Variants in CRTAP observed in about 807,000 individuals in gnomAD.
CRTAP encodes cartilage associated protein.
A neutral mutation model predicts 42.7 loss-of-function variants in CRTAP; 33 were observed. That is an observed-to-expected ratio of 0.77 (90% CI 0.59 to 1.03). The LOEUF is 1.03. Ranked by LOEUF, CRTAP falls within the 50% of genes least tolerant of loss-of-function variation. The pLI, the probability that CRTAP is intolerant of heterozygous loss-of-function variation, is 0.00. For synonymous variants in CRTAP, 243 were observed against 217.7 expected (o/e 1.12, Z -1.02); for missense variants, 613 against 533.9 (o/e 1.15, Z -1.46).
intron 1 of CRTAP, among the ~76,000 whole-genome samples, chr3:33,120,061 T>C (rs1415331697): frequency 6.6e-6 from 1 of 151,800 alleles, no homozygotes; most frequent in South Asian, 2.1e-4. Flanking sequence ...AGCGAGGGAG[T>C]CTGTTGTTAT....
chr3:33,142,122 C>T (rs1193449900), intron 6 of CRTAP, among the ~76,000 whole-genome samples: 1 of 152,120 alleles, frequency 6.6e-6, no homozygotes. Context: ...ACAGGAGGGC[C>T]ACTTAGTAGA....
chr3:33,122,971 C>T (rs2029927966), intron 2 of CRTAP, among the ~76,000 whole-genome samples: 1 of 148,954 alleles, frequency 6.7e-6, no homozygotes, highest in South Asian at 2.1e-4. Flanking sequence ...TTCTCTCTCT[C>T]TTTTTTTTTT....
Position 33,129,541 on chromosome 3 carries a change from T to TC in CRTAP, c.794-398_794-397insC, listed in dbSNP as rs1162325287. Among the ~76,000 whole-genome samples, 4 of 145,708 alleles carry TC rather than the reference T, an allele frequency of 2.7e-5. No homozygotes were observed. In the East Asian group the frequency reaches 5.9e-4, roughly 21 times the overall value. Reference sequence around the variant, plus strand: ...TGAAAATATTTTTCTTTTTCTTTTTTTTTTTTTTTTTTTGGAGACGGAGTC... The same window carrying TC: ...TGAAAATATTTTTCTTTTTCTTTTTTCTTTTTTTTTTTTTGGAGACGGAGTC... On this transcript the variant is annotated intron_variant, in intron 3 of 6. Coordinates refer to ENST00000320954, the MANE Select transcript of CRTAP (RefSeq NM_006371.5).
At chr3:33,126,133 C>T (rs555176450) in intron 3 of CRTAP, among the ~76,000 whole-genome samples, 36 of 152,266 alleles carry the variant, frequency 2.4e-4, no homozygotes, top group African/African-American at 8.7e-4. Flanking sequence ...ATATCCCCTT[C>T]CCCCCAGCCA....
chr3:33,121,102 A>G (rs768904267), intron 2 of CRTAP, among the ~76,000 whole-genome samples: 2 of 152,152 alleles, frequency 1.3e-5, no homozygotes. Flanking sequence ...AAGCAAGGGC[A>G]GGGCATTGTT....
intron 6 of CRTAP, among the ~76,000 whole-genome samples, chr3:33,142,156 G>A (rs1320515611): frequency 6.6e-6 from 1 of 152,134 alleles, no homozygotes; most frequent in African/African-American, 2.4e-5. Flanking sequence ...TGGGCTGTCC[G>A]CCTCACACAG....
chr3:33,125,858 G>A, intron 3 of CRTAP, among the ~76,000 whole-genome samples: 2 of 152,262 alleles, frequency 1.3e-5, no homozygotes, highest in Admixed American at 1.3e-4. Flanking sequence ...TTTCAGAAAT[G>A]TCATAAATAC....
rs2030660962 is a variant in CRTAP, at chr3:33,144,247, AT to A, written c.*1800del. 2.0e-5 allele frequency: 3 copies of A among 152,360 alleles called. No homozygotes were observed. Among genetic ancestry groups the A allele is most frequent in the Middle Eastern group, 3.4e-3 (1 of 294 alleles). 9.4% of individuals were successfully genotyped at this position (152,360 alleles called of 1,614,324 possible). On this transcript the variant is annotated 3_prime_UTR_variant, in exon 7 of 7. Transcript: ENST00000320954. ...GATGACATTAAGGTTTTTGGCCTGA[AT>A]AGCAGGAAAGATGGAGTTACCAGTT...
rs565455520 is a variant in CRTAP, at chr3:33,147,371, G to A, written c.*4923G>A. 2.6e-5 allele frequency: 4 copies of A among 152,758 alleles called. No individual in the cohort carries two copies. Among genetic ancestry groups the A allele is most frequent in the Non-Finnish European group, 5.9e-5 (4 of 68,034 alleles). The allele number at this position is 152,758 out of a possible 1,614,324, so 9.5% of individuals were successfully genotyped here. On this transcript the variant is annotated 3_prime_UTR_variant, in exon 7 of 7. Coordinates refer to ENST00000320954, the MANE Select transcript of CRTAP (RefSeq NM_006371.5). Reference sequence around the variant, plus strand: ...TATTGTTATCCTTAGAGTGTTTTCCGTCTAGGGCCGGCTCGTGAACAGCCA... The same window carrying A: ...TATTGTTATCCTTAGAGTGTTTTCCATCTAGGGCCGGCTCGTGAACAGCCA...
rs556233030 is a variant in CRTAP, at chr3:33,137,258, G to C, written c.1152+2993G>C. ...CAGGTTCAAGTGATTCCCTGCCTCAGCCATCCTAGTAGCTGGGATTACAGG... is the reference window on the plus strand; with the variant it reads ...CAGGTTCAAGTGATTCCCTGCCTCACCCATCCTAGTAGCTGGGATTACAGG... On this transcript the variant is annotated intron_variant, in intron 6 of 6. Transcript: ENST00000320954. Among the ~76,000 whole-genome samples the C allele has an allele frequency of 2.6e-5, 4 of 152,184 alleles. No individual in the cohort carries two copies. In the East Asian group the frequency reaches 7.7e-4, roughly 29 times the overall value.
chr3:33,126,276 A>G (rs1431302753), intron 3 of CRTAP, among the ~76,000 whole-genome samples: 1 of 152,182 alleles, frequency 6.6e-6, no homozygotes, highest in Non-Finnish European at 1.5e-5. Context: ...CGTTTCATCC[A>G]TATTGTGGCA....
At chr3:33,134,673 G>A (rs143049931) in intron 6 of CRTAP, among the ~76,000 whole-genome samples, 2 of 152,220 alleles carry the variant, frequency 1.3e-5, no homozygotes, top group East Asian at 1.9e-4. Flanking sequence ...TAAGCATTTT[G>A]TCATTCTCTA....
Position 33,121,625 on chromosome 3 carries a change from G to A in CRTAP, c.621+1132G>A, listed in dbSNP as rs867461267. Among the ~76,000 whole-genome samples the A allele has an allele frequency of 2.0e-4, 31 of 152,194 alleles. 1 individual carries two copies. Among genetic ancestry groups the A allele is most frequent in the South Asian group, 8.3e-4 (4 of 4,816 alleles). On this transcript the variant is annotated intron_variant, in intron 2 of 6. Transcript: ENST00000320954. ...GCCTTCTGCAGGGCTGGTGGGGTGC[G>A]CATACTCCTCTGCTGGTGTCTGAGA... is the stretch of plus-strand genomic sequence containing the variant.
intron 6 of CRTAP, among the ~76,000 whole-genome samples, chr3:33,138,766 G>A (rs2030493503): frequency 6.6e-6 from 1 of 152,158 alleles, no homozygotes; most frequent in Non-Finnish European, 1.5e-5. Flanking sequence ...CAGCACTTTG[G>A]GAGGCTGAGG....
At chr3:33,124,729 C>T in intron 3 of CRTAP, 150 bp downstream of exon 3, 1 of 872,436 alleles carries the variant, frequency 1.1e-6, no homozygotes, top group East Asian at 2.5e-5. Flanking sequence ...TAGTCACCAC[C>T]TGCATAGATA....
intron 1 of CRTAP, among the ~76,000 whole-genome samples, chr3:33,119,656 A>T (rs1400856279): frequency 1.3e-5 from 2 of 152,222 alleles, no homozygotes; most frequent in Non-Finnish European, 2.9e-5. Context: ...TTGGGAAAAC[A>T]ATATATTTGT....
At position 33,139,617 on chromosome 3, in the gene CRTAP, C is replaced by T. The variant is rs1046398746; in HGVS notation, c.1153-2778C>T. Among the ~76,000 whole-genome samples the T allele has an allele frequency of 7.9e-5, 12 of 152,010 alleles. 1 individual carries two copies. Among genetic ancestry groups the T allele is most frequent in the Non-Finnish European group, 1.6e-4 (11 of 68,008 alleles). On this transcript the variant is annotated intron_variant, in intron 6 of 6. Coordinates refer to ENST00000320954, the MANE Select transcript of CRTAP (RefSeq NM_006371.5). ...TCGCCCTCCCAAGTAGCTGGAATTA[C>T]AGGCATGTGCCACCACACCCGGGTA...
rs779447329 is a variant in CRTAP, at chr3:33,114,533, G to C, written c.456G>C (p.Gln152His). ...FQRREPYKFL[Q>H]FAYFKANNLP... ...GCCGCGAGCCCTACAAGTTCCTGCAGTTCGCTTACTTCAAGGCAAGTCCGC... is the reference window on the plus strand; with the variant it reads ...GCCGCGAGCCCTACAAGTTCCTGCACTTCGCTTACTTCAAGGCAAGTCCGC... The change falls in exon 1 of 7, where the codon CAG (glutamine) becomes CAC (histidine). Residue 152 changes from glutamine (Q) to histidine (H), a missense_variant. By Grantham distance (24) the Gln-to-His change is conservative (BLOSUM62 0). Coordinates refer to ENST00000320954, the MANE Select transcript of CRTAP (RefSeq NM_006371.5). 65 of 1,601,340 alleles carry C rather than the reference G, an allele frequency of 4.1e-5. 1 individual carries two copies. Among genetic ancestry groups the C allele is most frequent in the Middle Eastern group, 2.2e-4 (1 of 4,596 alleles).
At chr3:33,119,433 C>A (rs916929287) in intron 1 of CRTAP, among the ~76,000 whole-genome samples, 1 of 152,074 alleles carries the variant, frequency 6.6e-6, no homozygotes, top group Non-Finnish European at 1.5e-5. Flanking sequence ...AACAGAGAGG[C>A]TCTTAATTGA....
Sources: allele counts gnomAD v4.1 joint callset (sites outside exome capture counted in the v4.1 genomes callset), GRCh38; gene constraint gnomAD v4.1.1; transcripts MANE v1.5; gene names NCBI Gene and HGNC (gene_info 2026-07-23, HGNC 2026-07-21).